ATRN: variants seen among roughly 807,000 people sequenced by gnomAD.
ATRN encodes the protein attractin-2.
Under a neutral mutation model 178.7 loss-of-function variants are expected in ATRN, and 54 were observed. That is an observed-to-expected ratio of 0.30 (90% CI 0.24 to 0.38). The LOEUF is 0.38. ATRN is among the 10% of genes least tolerant of loss of function. ATRN has a pLI of 1.00. For synonymous variants in ATRN, 636 were observed against 663.0 expected (o/e 0.96, Z 0.63); for missense variants, 1,443 against 1,815.1 (o/e 0.79, Z 3.73).
At chr20:3,538,268 A>G (rs1342021578) in intron 2 of ATRN, among the ~76,000 whole-genome samples, 2 of 152,176 alleles carry the variant, frequency 1.3e-5, no homozygotes, top group African/African-American at 4.8e-5. Flanking sequence ...GTGGTGAAGA[A>G]TAGCAGTGAT....
intron 6 of ATRN, among the ~76,000 whole-genome samples, chr20:3,551,938 A>T (rs1294156549): frequency 6.6e-6 from 1 of 152,202 alleles, no homozygotes; most frequent in Non-Finnish European, 1.5e-5. Context: ...CACTGGCCAC[A>T]TGTGGTTATT....
intron 25 of ATRN, among the ~76,000 whole-genome samples, chr20:3,631,116 A>G (rs2086987029): frequency 6.6e-6 from 1 of 151,366 alleles, no homozygotes. Context: ...ATGCCCAGCT[A>G]ATATTTTCTT....
intron 19 of ATRN, chr20:3,592,472 T>A (rs1600138917): frequency 3.1e-6 from 3 of 978,250 alleles, no homozygotes; most frequent in Non-Finnish European, 2.4e-6. Context: ...CTGCAAGCAA[T>A]AGGACATTTT....
chr20:3,543,682 G>A (rs2085657256), intron 3 of ATRN, among the ~76,000 whole-genome samples: 1 of 151,218 alleles, frequency 6.6e-6, no homozygotes, highest in Admixed American at 6.6e-5. Context: ...CCGAGATTGT[G>A]CCACTGCACT....
At chr20:3,489,828 T>C in intron 1 of ATRN, 3 of 1,260,240 alleles carry the variant, frequency 2.4e-6, no homozygotes, top group Non-Finnish European at 3.5e-6. Flanking sequence ...ATAGTTGATA[T>C]TTAGGCCATG....
chr20:3,569,645 A>G (rs1226154180), intron 11 of ATRN, among the ~76,000 whole-genome samples: 6 of 152,210 alleles, frequency 3.9e-5, no homozygotes, highest in Non-Finnish European at 7.3e-5. Flanking sequence ...GATGACAACC[A>G]TTGTACATGC....
chr20:3,534,910 C>T (rs1170126149), intron 1 of ATRN, among the ~76,000 whole-genome samples: 1 of 151,838 alleles, frequency 6.6e-6, no homozygotes, highest in African/African-American at 2.4e-5. Flanking sequence ...AATTTGAGAC[C>T]AGCGTGGGCA....
intron 1 of ATRN, among the ~76,000 whole-genome samples, chr20:3,512,697 T>G (rs2085152279): frequency 6.6e-6 from 1 of 152,186 alleles, no homozygotes; most frequent in African/African-American, 2.4e-5. Context: ...ACTTCCACAA[T>G]GGTTGAGCTA....
At chr20:3,529,872 C>T (rs1264766249) in intron 1 of ATRN, among the ~76,000 whole-genome samples, 1 of 152,058 alleles carries the variant, frequency 6.6e-6, no homozygotes, top group African/African-American at 2.4e-5. Flanking sequence ...TAAATGCAAA[C>T]AGATTATATA....
intron 11 of ATRN, among the ~76,000 whole-genome samples, chr20:3,568,719 G>A (rs967804227): frequency 3.3e-5 from 5 of 151,960 alleles, no homozygotes; most frequent in African/African-American, 1.2e-4. Flanking sequence ...ACATCTTGTT[G>A]AATATATATT....
In ATRN at chr20:3,547,497, C is replaced by T. The variant is rs2085723181; in HGVS notation, c.943+8C>T. ...GCTTCTCAGACTGGCAGGGTAGGAG[C>T]TTCTTTCATTTTTATTTTTTCTTCC... On this transcript the variant is annotated splice_region_variant and intron_variant, in intron 5 of 28. Transcript: ENST00000262919. 5.6e-6 allele frequency: 9 copies of T among 1,595,878 alleles called. No homozygotes were observed. The East Asian group carries it at 8.9e-5, about 16-fold the overall frequency.
intron 1 of ATRN, among the ~76,000 whole-genome samples, chr20:3,494,724 T>C (rs1016607931): frequency 3.3e-5 from 5 of 152,184 alleles, no homozygotes; most frequent in Middle Eastern, 3.2e-3. Flanking sequence ...GTCTGAAACA[T>C]GGGTCTAGCC....
At chr20:3,511,914 A>G (rs910977002) in intron 1 of ATRN, among the ~76,000 whole-genome samples, 2 of 151,690 alleles carry the variant, frequency 1.3e-5, no homozygotes, top group Non-Finnish European at 2.9e-5. Context: ...CAGCCTTATA[A>G]TTATTTCAAT....
chr20:3,598,665 C>T (rs976096321), intron 22 of ATRN, among the ~76,000 whole-genome samples: 11 of 152,298 alleles, frequency 7.2e-5, no homozygotes, highest in African/African-American at 2.2e-4. Flanking sequence ...GGCCACACTG[C>T]GGGACATTTA....
At chr20:3,505,478 G>C (rs2085030356) in intron 1 of ATRN, among the ~76,000 whole-genome samples, 1 of 152,208 alleles carries the variant, frequency 6.6e-6, no homozygotes. Context: ...AATTGTGTGA[G>C]CCAATTTCCT....
At chr20:3,535,397 GT>G in intron 2 of ATRN, 61 bp downstream of exon 2, 1 of 870,264 alleles carries the variant, frequency 1.1e-6, no homozygotes, top group South Asian at 2.4e-5. Flanking sequence ...TGTGACATTA[GT>G]TTTCCCACAA....
rs538806638 is a variant in ATRN at position 3,565,007 on chromosome 20, G to A, written c.1787-341G>A. Among the ~76,000 whole-genome samples the A allele has an allele frequency of 2.5e-3, 385 of 152,266 alleles. 1 individual carries two copies. Among genetic ancestry groups the A allele is most frequent in the Non-Finnish European group, 4.5e-3 (307 of 67,982 alleles). On this transcript the variant is annotated intron_variant, in intron 10 of 28. Transcript: ENST00000262919. ...GTGAACCTGGGAGGAGGAGCTTGCA[G>A]TGAGCTGAGATCACACCACTGCACT... is the stretch of plus-strand genomic sequence containing the variant.
At chr20:3,490,341 G>A in intron 1 of ATRN, 1 of 1,011,436 alleles carries the variant, frequency 9.9e-7, no homozygotes. Context: ...GCCCATCCAG[G>A]AAGGTCACAT....
intron 24 of ATRN, among the ~76,000 whole-genome samples, chr20:3,622,497 G>A (rs2086904204): frequency 6.6e-6 from 1 of 151,026 alleles, no homozygotes; most frequent in Admixed American, 6.6e-5. Context: ...CTTTTACATT[G>A]AGTAATTTTT....
Sources: gnomAD v4.1 joint callset for allele counts (sites outside exome capture counted in the v4.1 genomes callset) on GRCh38, gnomAD v4.1.1 for gene constraint, MANE v1.5 for transcripts, NCBI Gene and HGNC (gene_info 2026-07-23, HGNC 2026-07-21) for gene names.